Variants in ABCC11 observed in about 807,000 individuals in gnomAD.
ABCC11 encodes the protein ATP binding cassette subfamily C member 11, also known as ATP-binding cassette sub-family C member 11.
In ABCC11, 135 loss-of-function variants were observed where a neutral mutation model predicts 149.3. The observed-to-expected ratio is 0.90, with a 90% CI of 0.79 to 1.04. ABCC11 has a LOEUF of 1.04. Among genes scored for constraint, ABCC11 ranks in the 50% least tolerant of loss-of-function variants. ABCC11 has a pLI of 0.00. For missense variants in ABCC11, 1,680 were observed against 1,722.1 expected, an observed-to-expected ratio of 0.98 and a Z score of 0.43; for synonymous variants, 665 against 671.4, an observed-to-expected ratio of 0.99 and a Z score of 0.15.
chr16:48,200,766 G>A (rs1272665553), intron 14 of ABCC11, among the ~76,000 whole-genome samples: 1 of 152,116 alleles, frequency 6.6e-6, no homozygotes, highest in Non-Finnish European at 1.5e-5. Context: ...ATGAAGAGAG[G>A]TTGGCTGATG....
rs765294261 is a variant in ABCC11, at chr16:48,187,206, A to C, written c.2928T>G (p.Tyr976Ter). The C allele has an allele frequency of 6.2e-6, 10 of 1,614,106 alleles. No homozygotes were observed. The highest frequency in any genetic ancestry group is 7.6e-6 in the Non-Finnish European group (9 of 1,180,016). ...GAIIMVICFI[Y>*]YMMFKKAIGV... ...AGCAAAAAGAACCTACTCACATATAATAAATGAAGCAAATAACCATGATTA... is the reference window on the plus strand; with the variant it reads ...AGCAAAAAGAACCTACTCACATATACTAAATGAAGCAAATAACCATGATTA... The change falls in exon 21 of 30, where the codon TAT becomes TAG. Residue 976 changes from tyrosine to a stop codon, truncating the protein, a stop_gained. Coordinates refer to ENST00000356608, the MANE Select transcript of ABCC11 (RefSeq NM_001370497.1). LOFTEE classifies it high-confidence loss of function.
intron 1 of ABCC11, among the ~76,000 whole-genome samples, chr16:48,238,991 T>C (rs947505909): frequency 9.9e-5 from 13 of 130,678 alleles, no homozygotes; most frequent in African/African-American, 3.4e-4. Context: ...AAGACCATAC[T>C]AACATTAAAA....
At chr16:48,200,234 G>T (rs112186132) in intron 15 of ABCC11, 42 bp downstream of exon 15, 5 of 1,585,832 alleles carry the variant, frequency 3.2e-6, no homozygotes, top group Non-Finnish European at 4.3e-6. Flanking sequence ...GAGGATCTAC[G>T]TTATCCGTCA....
intron 17 of ABCC11, 133 bp from the exon 18 acceptor site, chr16:48,196,454 T>C: frequency 1.3e-6 from 1 of 792,544 alleles, no homozygotes; most frequent in East Asian, 2.7e-5. Flanking sequence ...TCTAAGGTTT[T>C]TCATGGAAGA....
At chr16:48,182,713 G>A (rs936379603) in intron 23 of ABCC11, among the ~76,000 whole-genome samples, 1 of 151,594 alleles carries the variant, frequency 6.6e-6, no homozygotes, top group Non-Finnish European at 1.5e-5. Flanking sequence ...AACCCAGGGG[G>A]TGGAGCTTGC....
chr16:48,235,269 C>T (rs912618646), intron 1 of ABCC11: 2 of 152,218 alleles, frequency 1.3e-5, no homozygotes, highest in Non-Finnish European at 2.9e-5. Flanking sequence ...TCTGAAATTA[C>T]CATTTCTTTC....
At chr16:48,215,056 A>G in intron 8 of ABCC11, 27 bp from the exon 9 acceptor site, 2 of 1,611,418 alleles carry the variant, frequency 1.2e-6, no homozygotes, top group South Asian at 2.2e-5. Flanking sequence ...AAATACACCA[A>G]AGATAACCAC....
At position 48,170,890 on chromosome 16, in the gene ABCC11, G is replaced by A. The variant is rs1360810151; in HGVS notation, c.3776C>T (p.Ala1259Val). The A allele has an allele frequency of 2.5e-6, 4 of 1,612,834 alleles. No individual in the cohort carries two copies. Among genetic ancestry groups the A allele is most frequent in the Non-Finnish European group, 3.4e-6 (4 of 1,178,850 alleles). ...DALERTFLTK[A>V]ISKFPKKLHT... ...GACTTGGGCCTTGGAGCTACTTACG[G>A]CCTTGGTCAGGAATGTCCTCTCCAA... The change falls in exon 27 of 30, where the codon GCC (alanine) becomes GTC (valine). Residue 1259 changes from alanine (A) to valine (V), a missense_variant and splice_region_variant. By Grantham distance (64) the Ala-to-Val change is moderately conservative. Coordinates refer to ENST00000356608, the MANE Select transcript of ABCC11 (RefSeq NM_001370497.1).
At chr16:48,230,319 G>C in intron 3 of ABCC11, 118 bp downstream of exon 3, 1 of 1,270,136 alleles carries the variant, frequency 7.9e-7, no homozygotes, top group East Asian at 2.6e-5. Context: ...CTGCTCTGAA[G>C]GGATTTGGCT....
chr16:48,243,401 CA>C (rs541776018), intron 1 of ABCC11, among the ~76,000 whole-genome samples: 421 of 72,842 alleles, frequency 5.8e-3, no homozygotes, highest in East Asian at 0.011. Flanking sequence ...GACTCCGTCT[CA>C]AAAAAAAAAA....
intron 6 of ABCC11, among the ~76,000 whole-genome samples, chr16:48,219,842 G>A (rs1309886877): frequency 4.6e-5 from 7 of 152,108 alleles, no homozygotes; most frequent in South Asian, 2.1e-4. Flanking sequence ...TTAGCCAGGC[G>A]TGGTGGCACA....
At position 48,234,095 on chromosome 16, in the gene ABCC11, G is replaced by A. The variant is rs1276882253; in HGVS notation, c.-18-2156C>T. ...GACAATCAACAAAATGATAAATCCA[G>A]CCCTGATATGTAGCCTTTGCCTATT... On this transcript the variant is annotated intron_variant, in intron 1 of 29. Transcript: ENST00000356608. Among the ~76,000 whole-genome samples the A allele has an allele frequency of 2.0e-5, 3 of 152,306 alleles. No homozygotes were observed. The East Asian group carries it at 5.8e-4, about 29-fold the overall frequency.
intron 14 of ABCC11, 120 bp downstream of exon 14, chr16:48,203,108 G>T: frequency 1.7e-6 from 2 of 1,152,238 alleles, no homozygotes; most frequent in Non-Finnish European, 2.5e-6. Context: ...GCAGCTGCAG[G>T]AAAAACTCCA....
chr16:48,236,401 A>G (rs973555692), intron 1 of ABCC11, among the ~76,000 whole-genome samples: 15 of 152,174 alleles, frequency 9.9e-5, no homozygotes, highest in African/African-American at 3.6e-4. Context: ...CACCTTCTGC[A>G]TATTTTCCTA....
At chr16:48,215,595 C>T (rs1020852094) in intron 7 of ABCC11, among the ~76,000 whole-genome samples, 1 of 152,190 alleles carries the variant, frequency 6.6e-6, no homozygotes, top group Non-Finnish European at 1.5e-5. Flanking sequence ...GAACCCTAAA[C>T]CCTCTAATAA....
chr16:48,171,458 A>G (rs1965716856), intron 26 of ABCC11, among the ~76,000 whole-genome samples: 1 of 152,176 alleles, frequency 6.6e-6, no homozygotes, highest in African/African-American at 2.4e-5. Flanking sequence ...ATGCTAGGGG[A>G]AAACCGGGCC....
At position 48,222,781 on chromosome 16, in the gene ABCC11, A is replaced by G; in HGVS notation, c.594T>C (p.Asn198=). 1.9e-6 allele frequency: 3 copies of G among 1,614,208 alleles called. No homozygotes were observed. The highest frequency in any genetic ancestry group is 2.5e-6 in the Non-Finnish European group (3 of 1,180,018). The change falls in exon 6 of 30, where the codon AAT becomes AAC. Residue 198 remains asparagine (N), a synonymous_variant. Coordinates refer to ENST00000356608, the MANE Select transcript of ABCC11 (RefSeq NM_001370497.1). ...ILEYSEEQLG[N]VVHGVGLCFA... ...AGCAGAGTCCCACTCCATGGACAAC[A>G]TTCCCCAACTGCTCTTCTGAATATT... is the stretch of plus-strand genomic sequence containing the variant.
At chr16:48,200,195 T>G (rs936952279) in intron 15 of ABCC11, 81 bp downstream of exon 15, 9 of 1,434,828 alleles carry the variant, frequency 6.3e-6, no homozygotes, top group Non-Finnish European at 7.7e-6. Flanking sequence ...AGGCTGTTAT[T>G]GAATCACACT....
chr16:48,187,844 C>A (rs62058531), intron 20 of ABCC11, among the ~76,000 whole-genome samples: 10,805 of 152,140 alleles, frequency 0.071, 510 homozygotes, highest in Middle Eastern at 0.11. Flanking sequence ...GCAGTGCCTG[C>A]CCCTGAGGTA....
Sources: gnomAD v4.1 joint callset for allele counts (sites outside exome capture counted in the v4.1 genomes callset) on GRCh38, gnomAD v4.1.1 for gene constraint, MANE v1.5 for transcripts, NCBI Gene and HGNC (gene_info 2026-07-23, HGNC 2026-07-21) for gene names.